The following TNIP3 variants were observed in gnomAD, a reference collection of about 807,000 sequenced individuals.
The protein encoded by TNIP3 is TNFAIP3-interacting protein 3.
A neutral mutation model predicts 54.1 loss-of-function variants in TNIP3; 34 were observed. The observed-to-expected ratio is 0.63, with a 90% confidence interval of 0.48 to 0.84. TNIP3 has a LOEUF of 0.84. Among genes scored for constraint, TNIP3 ranks in the 40% least tolerant of loss-of-function variants. The pLI, the probability that TNIP3 is intolerant of heterozygous loss-of-function variation, is 0.00. For missense variants in TNIP3, 366 were observed against 387.6 expected (o/e 0.94, Z 0.47); for synonymous variants, 134 against 136.8 (o/e 0.98, Z 0.14).
At chr4:121,226,431 A>C (rs1359524806) in intron 1 of TNIP3, among the ~76,000 whole-genome samples, 1 of 152,260 alleles carries the variant, frequency 6.6e-6, no homozygotes, top group African/African-American at 2.4e-5. Flanking sequence ...TCCATTCCAC[A>C]AATATTTGCT....
chr4:121,209,024 T>TA (rs1327189535), intron 2 of TNIP3, among the ~76,000 whole-genome samples: 1 of 152,154 alleles, frequency 6.6e-6, no homozygotes, highest in Non-Finnish European at 1.5e-5. Flanking sequence ...TAAATACTCT[T>TA]AAAAAATTTA....
upstream of TNIP3, among the ~76,000 whole-genome samples, chr4:121,168,153 C>T (rs181649699): frequency 3.9e-4 from 60 of 152,172 alleles, no homozygotes; most frequent in African/African-American, 1.4e-3. Context: ...AGCCTAGAGA[C>T]TTCTCAGTTT....
At chr4:121,204,592 C>G (rs1726076710) in intron 2 of TNIP3, among the ~76,000 whole-genome samples, 1 of 152,144 alleles carries the variant, frequency 6.6e-6, no homozygotes, top group African/African-American at 2.4e-5. Flanking sequence ...AATCATTTCT[C>G]TATGATGGAA....
At chr4:121,190,154 G>C (rs1320289935) in intron 2 of TNIP3, among the ~76,000 whole-genome samples, 1 of 152,192 alleles carries the variant, frequency 6.6e-6, no homozygotes, top group East Asian at 1.9e-4. Context: ...AAAACAGAGT[G>C]ACAGATTAAA....
At chr4:121,141,947 G>C in intron 8 of TNIP3, 33 bp from the exon 9 acceptor site, 2 of 1,464,750 alleles carry the variant, frequency 1.4e-6, no homozygotes, top group Non-Finnish European at 1.9e-6. Context: ...GTCACTACCA[G>C]TGGGAGAGAC....
At chr4:121,220,821 C>T (rs115944132), upstream of TNIP3, among the ~76,000 whole-genome samples, 185 of 152,088 alleles carry the variant, frequency 1.2e-3, 1 homozygote, top group African/African-American at 4.0e-3. Flanking sequence ...AGCGAATGGA[C>T]AGCAGGATTC....
intron 3 of TNIP3, among the ~76,000 whole-genome samples, chr4:121,174,196 C>A (rs543542687): frequency 1.3e-5 from 2 of 152,222 alleles, no homozygotes; most frequent in East Asian, 3.9e-4. Context: ...TATTTCAACA[C>A]CGTATCTATA....
intron 5 of TNIP3, among the ~76,000 whole-genome samples, chr4:121,152,906 C>A (rs1729845536): frequency 6.6e-6 from 1 of 152,092 alleles, no homozygotes; most frequent in Non-Finnish European, 1.5e-5. Flanking sequence ...CACAAAAATC[C>A]TACCTTCATG....
chr4:121,209,345 A>G (rs1726353104), intron 2 of TNIP3, among the ~76,000 whole-genome samples: 1 of 152,236 alleles, frequency 6.6e-6, no homozygotes, highest in Non-Finnish European at 1.5e-5. Flanking sequence ...ATGGGTGGTC[A>G]CTGGACTTAT....
At chr4:121,187,478 A>G (rs1286618587) in intron 2 of TNIP3, among the ~76,000 whole-genome samples, 2 of 152,224 alleles carry the variant, frequency 1.3e-5, no homozygotes, top group Non-Finnish European at 2.9e-5. Context: ...GTAAGATTTC[A>G]TGCTGAAGCT....
chr4:121,201,439 A>T (rs1374238883), intron 2 of TNIP3, among the ~76,000 whole-genome samples: 1 of 152,238 alleles, frequency 6.6e-6, no homozygotes. Flanking sequence ...TCAAAATAAA[A>T]CAAAACTCCC....
intron 1 of TNIP3, among the ~76,000 whole-genome samples, chr4:121,224,270 G>A (rs1727164028): frequency 6.6e-6 from 1 of 151,994 alleles, no homozygotes; most frequent in Non-Finnish European, 1.5e-5. Flanking sequence ...GGCTGAGACA[G>A]GAGAATCACT....
In TNIP3 at chr4:121,158,692, T is replaced by C. The variant is rs1730260430; in HGVS notation, c.208A>G (p.Arg70Gly). 6.2e-7 allele frequency: 1 copy of C among 1,611,932 alleles called. No homozygotes were observed. The highest frequency in any genetic ancestry group is 8.5e-7 in the Non-Finnish European group (1 of 1,178,690). ...QFRSMKELYE[R>G]KVAELKTKLD... ...GAATAGAGAGAGGTATTTACCTTTC[T>C]TTCATATAACTCTTTCATACTTCTA... Residue 70 changes from arginine (R) to glycine (G), a missense_variant, in exon 3 of 11, where the codon AGA becomes GGA. Physicochemically the swap from Arg to Gly is moderately radical, Grantham distance 125 (BLOSUM62 -2). Coordinates refer to ENST00000057513, the MANE Select transcript of TNIP3 (RefSeq NM_024873.6).
At chr4:121,204,423 G>T (rs896439907) in intron 2 of TNIP3, among the ~76,000 whole-genome samples, 10 of 152,152 alleles carry the variant, frequency 6.6e-5, no homozygotes, top group African/African-American at 2.4e-4. Flanking sequence ...TATATTGATT[G>T]TTGTCTCATA....
chr4:121,141,619 G>A (rs77461353), intron 9 of TNIP3, among the ~76,000 whole-genome samples, 197 bp downstream of exon 9: 18 of 152,036 alleles, frequency 1.2e-4, no homozygotes, highest in African/African-American at 3.1e-4. Context: ...TAATTTATTC[G>A]TATCTATGTG....
At chr4:121,173,509 GTTT>G (rs75249037) in intron 3 of TNIP3, among the ~76,000 whole-genome samples, 1 of 151,804 alleles carries the variant, frequency 6.6e-6, no homozygotes, top group Non-Finnish European at 1.5e-5. Context: ...CTGTGTTTGA[GTTT>G]TTTTTTAAAA....
chr4:121,196,568 T>C (rs1181970835), intron 2 of TNIP3, among the ~76,000 whole-genome samples: 2 of 152,234 alleles, frequency 1.3e-5, no homozygotes, highest in African/African-American at 4.8e-5. Flanking sequence ...TTTTTTTTAA[T>C]GGAATTACAA....
chr4:121,222,968 C>G (rs1477517437), intron 1 of TNIP3, among the ~76,000 whole-genome samples: 1 of 151,824 alleles, frequency 6.6e-6, no homozygotes, highest in Admixed American at 6.6e-5. Flanking sequence ...ACCACGCCCG[C>G]CTAATTTTTA....
intron 2 of TNIP3, among the ~76,000 whole-genome samples, chr4:121,159,287 A>G (rs1251204887): frequency 2.6e-5 from 4 of 152,204 alleles, no homozygotes; most frequent in Non-Finnish European, 5.9e-5. Context: ...AAGAAAAACC[A>G]GTAAGTCTCA....
Sources: allele counts gnomAD v4.1 joint callset (sites outside exome capture counted in the v4.1 genomes callset), GRCh38; gene constraint gnomAD v4.1.1; transcripts MANE v1.5; gene names NCBI Gene and HGNC (gene_info 2026-07-23, HGNC 2026-07-21).